Variants in PIAS2 observed in about 807,000 individuals in gnomAD.
The protein encoded by PIAS2 is protein inhibitor of activated STAT 2, also known as E3 SUMO-protein ligase PIAS2.
PIAS2 carries 19 observed loss-of-function variants against 69.7 expected under a neutral mutation model. That is an observed-to-expected ratio of 0.27 (90% CI 0.19 to 0.40). The LOEUF is 0.40. Ranked by LOEUF, PIAS2 falls within the 10% of genes least tolerant of loss-of-function variation. The pLI, the probability that PIAS2 is intolerant of heterozygous loss-of-function variation, is 1.00. For synonymous variants in PIAS2, 261 were observed against 263.2 expected (o/e 0.99, Z 0.08); for missense variants, 624 against 757.0 (o/e 0.82, Z 2.06).
At chr18:46,917,616 C>T (rs2058140611), upstream of PIAS2, 1 of 964,252 alleles carries the variant, frequency 1.0e-6, no homozygotes, top group East Asian at 1.0e-4. Flanking sequence ...CGCGCGGCGA[C>T]AGCGCCCGCC....
intron 5 of PIAS2, among the ~76,000 whole-genome samples, chr18:46,855,100 C>CT (rs1270676265): frequency 5.0e-5 from 2 of 40,128 alleles, no homozygotes; most frequent in African/African-American, 1.2e-4. Flanking sequence ...GACCTTGTCT[C>CT]TTTAAAAAAA....
chr18:46,917,362 GCGCCGCCGCCGCTGC>G lies in PIAS2; in HGVS notation c.-32_-18del. ...ATCCGCCATTTTATACCACCCGCGGGCGCCGCCGCCGCTGCCGCCGCACCCACTCCCGCTGCCGCC... is the reference window on the plus strand; with the variant it reads ...ATCCGCCATTTTATACCACCCGCGGGCGCCGCACCCACTCCCGCTGCCGCC... On this transcript the variant is annotated 5_prime_UTR_variant, in exon 1 of 14. Coordinates refer to ENST00000585916, the MANE Select transcript of PIAS2 (RefSeq NM_004671.5). 1 of 1,460,774 alleles carries G rather than the reference GCGCCGCCGCCGCTGC, an allele frequency of 6.8e-7. No homozygotes were observed. Among genetic ancestry groups the G allele is most frequent in the South Asian group, 1.3e-5 (1 of 76,584 alleles). 90.5% of individuals were successfully genotyped at this position (1,460,774 alleles called of 1,614,324 possible). A position where few individuals can be genotyped will look rare whatever the true frequency, so the allele number is the denominator to read the frequency against.
At chr18:46,908,878 G>A (rs773155717) in intron 1 of PIAS2, among the ~76,000 whole-genome samples, 1 of 151,988 alleles carries the variant, frequency 6.6e-6, no homozygotes, top group South Asian at 2.1e-4. Context: ...GCATGGTGGC[G>A]GGTACCTGTA....
At chr18:46,827,678 A>C in intron 11 of PIAS2, 1 of 287,006 alleles carries the variant, frequency 3.5e-6, no homozygotes, top group South Asian at 7.5e-5. Flanking sequence ...ATCTGGTCTG[A>C]GATGCCAAAT....
chr18:46,865,280 G>T (rs1031685647), intron 2 of PIAS2, among the ~76,000 whole-genome samples: 4 of 151,996 alleles, frequency 2.6e-5, no homozygotes, highest in African/African-American at 9.7e-5. Flanking sequence ...TGGCTCACAC[G>T]TGTAATCCCA....
intron 1 of PIAS2, chr18:46,905,956 T>C (rs2056544494): frequency 6.6e-6 from 1 of 152,038 alleles, no homozygotes. Context: ...AAATTAAATA[T>C]CTCCAAACTG....
intron 10 of PIAS2, among the ~76,000 whole-genome samples, chr18:46,829,440 T>A (rs990985991): frequency 3.3e-5 from 5 of 152,216 alleles, no homozygotes; most frequent in Non-Finnish European, 5.9e-5. Context: ...ACTGTCCATA[T>A]AAATTCATTT....
At chr18:46,914,396 G>A (rs2057576120) in intron 1 of PIAS2, among the ~76,000 whole-genome samples, 1 of 152,066 alleles carries the variant, frequency 6.6e-6, no homozygotes, top group Admixed American at 6.6e-5. Context: ...GAAGAGAGGT[G>A]GGCTGGTATT....
chr18:46,854,368 A>G (rs888866342), intron 5 of PIAS2, among the ~76,000 whole-genome samples: 1 of 152,192 alleles, frequency 6.6e-6, no homozygotes, highest in African/African-American at 2.4e-5. Flanking sequence ...CTCTGGTGAA[A>G]TGACAACTGG....
intron 7 of PIAS2, among the ~76,000 whole-genome samples, chr18:46,844,511 G>A (rs2045888581): frequency 6.6e-6 from 1 of 151,944 alleles, no homozygotes. Flanking sequence ...TTTGTAAACA[G>A]AAAAGATAAA....
intron 5 of PIAS2, among the ~76,000 whole-genome samples, chr18:46,847,955 A>T (rs1242304938): frequency 6.6e-6 from 1 of 152,172 alleles, no homozygotes; most frequent in Non-Finnish European, 1.5e-5. Context: ...ACCATATTTC[A>T]CTGATGCTAG....
At chr18:46,829,162 C>T (rs537237367) in intron 10 of PIAS2, among the ~76,000 whole-genome samples, 10 of 152,260 alleles carry the variant, frequency 6.6e-5, no homozygotes, top group Non-Finnish European at 8.8e-5. Flanking sequence ...TTCACCTGTG[C>T]GTTTCAATTA....
intron 12 of PIAS2, chr18:46,816,228 C>T: frequency 2.0e-6 from 2 of 985,100 alleles, no homozygotes; most frequent in South Asian, 4.7e-5. Flanking sequence ...ATATAACCAC[C>T]ACACAGAGAA....
At chr18:46,901,189 G>A (rs1308346955) in intron 1 of PIAS2, 16 of 344,860 alleles carry the variant, frequency 4.6e-5, no homozygotes, top group African/African-American at 1.1e-4. Flanking sequence ...AGGCCAAGGC[G>A]GGCGGATCAC....
chr18:46,845,311 C>G (rs1378767208), intron 6 of PIAS2, among the ~76,000 whole-genome samples: 3 of 152,166 alleles, frequency 2.0e-5, no homozygotes, highest in Non-Finnish European at 1.5e-5. Flanking sequence ...CACTGCAAAT[C>G]CAGAGTTCCA....
Position 46,806,068 on chromosome 18 carries a change from C to CT in PIAS2, c.*6364dup, listed in dbSNP as rs1339488683. On this transcript the variant is annotated 3_prime_UTR_variant, in exon 14 of 14. Coordinates refer to ENST00000585916, the MANE Select transcript of PIAS2 (RefSeq NM_004671.5). ...AAATGGCTTCAGCATCCACTCCTTC[C>CT]TTATTACTCTGGCCATCATCTGAAA... is the stretch of plus-strand genomic sequence containing the variant. 1 of 152,226 alleles carries CT rather than the reference C, an allele frequency of 6.6e-6. No homozygotes were observed. Among genetic ancestry groups the CT allele is most frequent in the African/African-American group, 2.4e-5 (1 of 41,450 alleles). 9.4% of individuals were successfully genotyped at this position (152,226 alleles called of 1,614,324 possible).
chr18:46,842,634 G>A (rs2045589735), intron 8 of PIAS2, among the ~76,000 whole-genome samples: 1 of 152,142 alleles, frequency 6.6e-6, no homozygotes, highest in South Asian at 2.1e-4. Context: ...AATTTCACTT[G>A]TTTCAATCTA....
At chr18:46,865,486 G>A (rs898308853) in intron 2 of PIAS2, among the ~76,000 whole-genome samples, 16 of 147,670 alleles carry the variant, frequency 1.1e-4, no homozygotes, top group African/African-American at 2.8e-4. Context: ...GTTGCAGTGC[G>A]CTGAGATCAC....
chr18:46,815,113 A>G (rs1393178998), intron 13 of PIAS2, among the ~76,000 whole-genome samples, 199 bp downstream of exon 13: 2 of 152,236 alleles, frequency 1.3e-5, no homozygotes, highest in African/African-American at 4.8e-5. Context: ...AAATTTAGAT[A>G]TTAAAGACAA....
Sources: gnomAD v4.1 joint callset for allele counts (sites outside exome capture counted in the v4.1 genomes callset) on GRCh38, gnomAD v4.1.1 for gene constraint, MANE v1.5 for transcripts, NCBI Gene and HGNC (gene_info 2026-07-23, HGNC 2026-07-21) for gene names.